MAP4K1: variants seen among roughly 807,000 people sequenced by gnomAD.
MAP4K1 encodes the protein MAPK/ERK kinase kinase kinase 1.
Under a neutral mutation model 122.8 loss-of-function variants are expected in MAP4K1, and 35 were observed. The observed-to-expected ratio is 0.29, with a 90% CI of 0.22 to 0.38. The LOEUF (loss-of-function observed/expected upper bound fraction) is 0.38. Among genes scored for constraint, MAP4K1 ranks in the 10% least tolerant of loss-of-function variants. The pLI is 1.00. For missense variants in MAP4K1, 791 were observed against 1,072.6 expected (o/e 0.74, Z 3.67); for synonymous variants, 412 against 421.3 (o/e 0.98, Z 0.27).
rs139419670 is a variant in MAP4K1, at chr19:38,603,927, T to A, written c.1446+1482A>T. On this transcript the variant is annotated intron_variant, in intron 19 of 30. Coordinates refer to ENST00000396857, the MANE Select transcript of MAP4K1 (RefSeq NM_001042600.3). The stretch of plus-strand genomic sequence containing the variant: ...TAGACTGGGGAGGCAGAGGTTGCAG[T>A]GAGCCAAGATAGCACCACTGCACTC... 4.0e-3 allele frequency among the ~76,000 whole-genome samples: 601 copies of A among 149,832 alleles called. 3 individuals are homozygous for A. Among genetic ancestry groups the A allele is most frequent in the African/African-American group, 0.014 (566 of 40,610 alleles).
chr19:38,589,705 G>A (rs1408307098), intron 30 of MAP4K1, among the ~76,000 whole-genome samples: 9 of 152,042 alleles, frequency 5.9e-5, no homozygotes, highest in Non-Finnish European at 8.8e-5. Flanking sequence ...GTGAGCCACC[G>A]CGCCCGACCG....
chr19:38,590,622 G>C (rs541532347), intron 30 of MAP4K1, among the ~76,000 whole-genome samples: 2 of 151,172 alleles, frequency 1.3e-5, no homozygotes, highest in African/African-American at 4.9e-5. Context: ...TTACAGGCAC[G>C]TGCCACCACA....
intron 9 of MAP4K1, among the ~76,000 whole-genome samples, chr19:38,611,863 CCAAGG>C (rs1975508191): frequency 6.6e-6 from 1 of 151,966 alleles, no homozygotes; most frequent in South Asian, 2.1e-4. Flanking sequence ...TTTTGGGAGG[CCAAGG>C]CAAGTGGATC....
intron 9 of MAP4K1, 138 bp from the exon 10 acceptor site, chr19:38,611,443 G>C: frequency 1.5e-6 from 1 of 661,170 alleles, no homozygotes; most frequent in South Asian, 1.7e-5. Context: ...AGGTTTTACA[G>C]TGCACCAGGG....
chr19:38,590,211 C>T (rs997092902), intron 30 of MAP4K1, among the ~76,000 whole-genome samples: 2 of 150,538 alleles, frequency 1.3e-5, no homozygotes, highest in South Asian at 2.1e-4. Flanking sequence ...AAATTCAGAA[C>T]GTGGAAACCT....
Position 38,614,444 on chromosome 19 carries a change from C to A in MAP4K1, c.315G>T (p.Val105=). The A allele has an allele frequency of 6.2e-7, 1 of 1,614,120 alleles. No individual in the cohort carries two copies. Among genetic ancestry groups the A allele is most frequent in the Non-Finnish European group, 8.5e-7 (1 of 1,180,038 alleles). ...GAGSLQDIYQ[V]TGSLSELQIS... ...TCTGGAGCTCTGACAGGGAGCCTGT[C>A]ACTGCAAAGGTCACCCCGGCCAGGC... The change falls in exon 5 of 31, where the codon GTG becomes GTT. Residue 105 remains valine, a splice_region_variant and synonymous_variant. Transcript: ENST00000396857.
Position 38,597,485 on chromosome 19 carries a change from C to T in MAP4K1, c.1778+1G>A, listed in dbSNP as rs764378216. 3 of 1,614,048 alleles carry T rather than the reference C, an allele frequency of 1.9e-6. No individual in the cohort carries two copies. On this transcript the variant is annotated splice_donor_variant, in intron 23 of 30. Transcript: ENST00000396857. LOFTEE classifies it high-confidence loss of function. This position sits in a 1 kb window ranked among gnomAD's most constrained non-coding sequence, Gnocchi z 4.6. Reference sequence around the variant, plus strand: ...TGGTGCCATTCATTGGGAGCTGGTACCTTGCCAGTAGGCGGTGGGGGCTAA... The same window carrying T: ...TGGTGCCATTCATTGGGAGCTGGTATCTTGCCAGTAGGCGGTGGGGGCTAA...
chr19:38,589,121 A>C (rs1042214245), intron 30 of MAP4K1: 1 of 151,922 alleles, frequency 6.6e-6, no homozygotes, highest in African/African-American at 2.4e-5. Context: ...TAATAGATTC[A>C]GGGAAAAATC....
At chr19:38,598,777 G>T (rs969467224) in intron 22 of MAP4K1, among the ~76,000 whole-genome samples, 1 of 152,096 alleles carries the variant, frequency 6.6e-6, no homozygotes, top group Non-Finnish European at 1.5e-5. Context: ...ACTTTGGGGG[G>T]CTGAGACGAG....
intron 13 of MAP4K1, among the ~76,000 whole-genome samples, chr19:38,609,094 T>C (rs1306584685): frequency 6.6e-6 from 1 of 152,074 alleles, no homozygotes; most frequent in African/African-American, 2.4e-5. Flanking sequence ...ATTTCTGAGG[T>C]CTCCCTGGGA....
rs951253172 is a variant in MAP4K1 at position 38,617,006 on chromosome 19, C to T, written c.248+348G>A. On this transcript the variant is annotated intron_variant, in intron 3 of 30. Transcript: ENST00000396857. The surrounding 1 kb of genome is among the most constrained non-coding windows in gnomAD (Gnocchi z 4.1). Reference sequence around the variant, plus strand: ...ATCACACCTGTAATCCCAGCACTTTCGGAGGCCGAGGCGAGTGGATCACAA... The same window carrying T: ...ATCACACCTGTAATCCCAGCACTTTTGGAGGCCGAGGCGAGTGGATCACAA... Among the ~76,000 whole-genome samples the T allele has an allele frequency of 1.3e-5, 2 of 151,924 alleles. No homozygotes were observed. Among genetic ancestry groups the T allele is most frequent in the Non-Finnish European group, 2.9e-5 (2 of 67,984 alleles).
rs34591617 is a variant in MAP4K1 at position 38,608,126 on chromosome 19, G to A, written c.1051C>T (p.Pro351Ser). 2.2e-3 allele frequency: 3,303 copies of A among 1,535,432 alleles called. 58 individuals carry two copies. In the South Asian group the frequency reaches 0.025, roughly 12 times the overall value. ...FRKLRGMETR[P>S]PANTARLQPP... ...CAGCATCTCACGGTGTTGGCTGGGG[G>A]TCTGGTCTCCATTCCTCGGAGCTTC... The change falls in exon 14 of 31, where the codon CCC becomes TCC. Residue 351 changes from proline to serine, a missense_variant. This residue lies in a region of MAP4K1 where 303 missense variants were observed against 344.8 expected (regional missense o/e 0.88). Coordinates refer to ENST00000396857, the MANE Select transcript of MAP4K1 (RefSeq NM_001042600.3).
chr19:38,608,934 T>G (rs1480148216), intron 13 of MAP4K1, among the ~76,000 whole-genome samples: 1 of 151,078 alleles, frequency 6.6e-6, no homozygotes, highest in African/African-American at 2.4e-5. Flanking sequence ...TGAGCTGTGA[T>G]CACACCACTG....
chr19:38,615,391 A>C (rs904664686), intron 4 of MAP4K1, among the ~76,000 whole-genome samples: 5 of 152,074 alleles, frequency 3.3e-5, no homozygotes, highest in Admixed American at 6.6e-5. Context: ...GCACAGAGAC[A>C]GAGAGAGACA....
In MAP4K1 at chr19:38,601,717, GT is replaced by G. The variant is rs375096035; in HGVS notation, c.1447-193del. 126 of 521,286 alleles carry G rather than the reference GT, an allele frequency of 2.4e-4. 1 individual carries two copies. The highest frequency in any genetic ancestry group is 1.1e-3 in the African/African-American group (51 of 47,674). 32.3% of individuals were successfully genotyped at this position (521,286 alleles called of 1,614,324 possible). On this transcript the variant is annotated intron_variant, in intron 19 of 30. Coordinates refer to ENST00000396857, the MANE Select transcript of MAP4K1 (RefSeq NM_001042600.3). ...TGAGTTTTCTTTTCAGTTTGTTTTTGTTTTTTTTTGTTGTTGTTATATATTT... is the reference window on the plus strand; with the variant it reads ...TGAGTTTTCTTTTCAGTTTGTTTTTGTTTTTTTTGTTGTTGTTATATATTT...
chr19:38,596,551 C>T (rs999055174), intron 25 of MAP4K1, 65 bp from the exon 26 acceptor site: 1 of 1,341,320 alleles, frequency 7.5e-7, no homozygotes, highest in Non-Finnish European at 9.9e-7. Context: ...GGGGGCGTGG[C>T]TTGTAGCTGG....
chr19:38,601,612 G>A, intron 19 of MAP4K1, 87 bp from the exon 20 acceptor site: 2 of 945,640 alleles, frequency 2.1e-6, no homozygotes, highest in African/African-American at 1.6e-5. Flanking sequence ...TTTGGAGCGA[G>A]AGTGCCAAGG....
chr19:38,606,777 G>A (rs1430407931), intron 16 of MAP4K1, among the ~76,000 whole-genome samples: 4 of 152,196 alleles, frequency 2.6e-5, no homozygotes, highest in African/African-American at 4.8e-5. Context: ...AGTGCACCAC[G>A]GCTTTGCACC....
chr19:38,610,919 G>T, intron 11 of MAP4K1, 132 bp downstream of exon 11: 1 of 782,080 alleles, frequency 1.3e-6, no homozygotes. Flanking sequence ...GGGTGGTCCT[G>T]GGAAATTCTG....
Sources: gnomAD v4.1 joint callset for allele counts (sites outside exome capture counted in the v4.1 genomes callset) on GRCh38, gnomAD v4.1.1 for gene constraint, gnomAD v4.1.1 regional missense constraint, Gnocchi (gnomAD v3.1) non-coding constraint, MANE v1.5 for transcripts, NCBI Gene and HGNC (gene_info 2026-07-23, HGNC 2026-07-21) for gene names.